The following MCMDC2 variants were observed in gnomAD, a reference collection of about 807,000 sequenced individuals.
MCMDC2 encodes minichromosome maintenance domain-containing protein 2.
Under a neutral mutation model 75.8 loss-of-function variants are expected in MCMDC2, and 54 were observed. That is an observed-to-expected ratio of 0.71 (90% CI 0.57 to 0.89). MCMDC2 has a LOEUF of 0.89. MCMDC2 is among the 40% of genes least tolerant of loss of function. MCMDC2 has a pLI of 0.00. For synonymous variants in MCMDC2, 249 were observed against 274.6 expected, an observed-to-expected ratio of 0.91 and a Z score of 0.92; for missense variants, 656 against 780.4, an observed-to-expected ratio of 0.84 and a Z score of 1.90.
chr8:66,877,531 C>T lies in MCMDC2; in HGVS notation c.468C>T (p.Cys156=). The T allele has an allele frequency of 6.3e-7, 1 of 1,596,310 alleles. No individual in the cohort carries two copies. Among genetic ancestry groups the T allele is most frequent in the South Asian group, 1.1e-5 (1 of 87,394 alleles). ...GATTTCTTTGTTCAGATGAAGCATG[C>T]CCTCTTTCAAAAGGTAAATGTTAAA... The part of the protein sequence containing the change: ...GARFLCSDEA[C]PLSKGFQYIR... Residue 156 remains cysteine (C), a synonymous_variant, in exon 5 of 15, where the codon TGC becomes TGT. Transcript: ENST00000422365.
downstream of MCMDC2, among the ~76,000 whole-genome samples, chr8:66,925,220 A>G (rs1813683816): frequency 6.6e-6 from 1 of 152,214 alleles, no homozygotes; most frequent in Non-Finnish European, 1.5e-5. Flanking sequence ...AGGTCAGCTA[A>G]GCCTTCCAGG....
intron 10 of MCMDC2, among the ~76,000 whole-genome samples, chr8:66,891,804 C>T (rs1812120016): frequency 6.6e-6 from 1 of 152,214 alleles, no homozygotes; most frequent in Non-Finnish European, 1.5e-5. Flanking sequence ...GGCCACTGCA[C>T]ATAGCCAGGC....
intron 14 of MCMDC2, among the ~76,000 whole-genome samples, chr8:66,918,384 T>G (rs1563393807): frequency 6.6e-6 from 1 of 152,200 alleles, no homozygotes; most frequent in African/African-American, 2.4e-5. Context: ...TTTATGTGTA[T>G]TTTCTTTTGG....
rs1813423801 is a variant in MCMDC2 at position 66,919,032 on chromosome 8, G to A, written c.1909G>A (p.Ala637Thr). 1.3e-6 allele frequency: 2 copies of A among 1,535,704 alleles called. No individual in the cohort carries two copies. The highest frequency in any genetic ancestry group is 2.5e-5 in the South Asian group (2 of 81,088). Reference sequence around the variant, plus strand: ...CACTGTATTTTGTGTTGCTCCGAATGCAGTATTTCCATTTGAACTGTATAA... The same window carrying A: ...CACTGTATTTTGTGTTGCTCCGAATACAGTATTTCCATTTGAACTGTATAA... The part of the protein sequence containing the change: ...GATVFCVAPN[A>T]VFPFELYNEE... The change falls in exon 15 of 15, where the codon GCA becomes ACA. Residue 637 changes from alanine (A) to threonine (T), a missense_variant. Ala to Thr is a moderately conservative substitution (Grantham distance 58). Coordinates refer to ENST00000422365, the MANE Select transcript of MCMDC2 (RefSeq NM_173518.5).
At chr8:66,879,318 C>T (rs767607668) in intron 7 of MCMDC2, among the ~76,000 whole-genome samples, 2 of 151,768 alleles carry the variant, frequency 1.3e-5, no homozygotes, top group African/African-American at 2.4e-5. Flanking sequence ...GCTGGCCAGG[C>T]GCGGTGGCTC....
chr8:66,922,123 C>T (rs1813563417), downstream of MCMDC2: 1 of 153,594 alleles, frequency 6.5e-6, no homozygotes, highest in Non-Finnish European at 1.5e-5. Flanking sequence ...ACCTCCAAAA[C>T]AAAGTCAGAA....
At chr8:66,899,679 G>C (rs555869377) in intron 12 of MCMDC2, among the ~76,000 whole-genome samples, 1 of 151,692 alleles carries the variant, frequency 6.6e-6, no homozygotes, top group Non-Finnish European at 1.5e-5. Context: ...TGTATTTTTA[G>C]TAGAGACAGG....
At chr8:66,888,064 T>A (rs1436185419) in intron 9 of MCMDC2, among the ~76,000 whole-genome samples, 4 of 152,222 alleles carry the variant, frequency 2.6e-5, no homozygotes, top group African/African-American at 7.2e-5. Flanking sequence ...TTTGCATTTT[T>A]AAATAAATTT....
intron 7 of MCMDC2, among the ~76,000 whole-genome samples, chr8:66,879,447 G>T (rs1184751804): frequency 1.3e-5 from 2 of 152,080 alleles, no homozygotes; most frequent in African/African-American, 4.8e-5. Flanking sequence ...ACAAAAATTA[G>T]CCAGGTGTGG....
intron 1 of MCMDC2, among the ~76,000 whole-genome samples, chr8:66,872,301 C>T (rs1216831363): frequency 6.6e-6 from 1 of 152,184 alleles, no homozygotes; most frequent in Non-Finnish European, 1.5e-5. Flanking sequence ...TCTTTCTCTT[C>T]ACCTCTCCTC....
At chr8:66,911,438 C>T (rs1368679109) in intron 14 of MCMDC2, among the ~76,000 whole-genome samples, 1 of 152,148 alleles carries the variant, frequency 6.6e-6, no homozygotes, top group Non-Finnish European at 1.5e-5. Flanking sequence ...AAACCTCTTT[C>T]CTTTATAAAT....
chr8:66,890,612 C>T (rs558382285), intron 9 of MCMDC2, among the ~76,000 whole-genome samples: 108 of 152,090 alleles, frequency 7.1e-4, no homozygotes, highest in Non-Finnish European at 7.8e-4. Context: ...CCTCTGCCTT[C>T]CAGGTTCAAA....
chr8:66,873,413 A>G (rs191661381), intron 1 of MCMDC2, among the ~76,000 whole-genome samples: 18 of 152,310 alleles, frequency 1.2e-4, no homozygotes, highest in Admixed American at 1.2e-3. Context: ...TGTTACTTAG[A>G]TTGAATTTAT....
rs767569175 is a variant in MCMDC2 at position 66,896,905 on chromosome 8, T to A, written c.1572T>A (p.Pro524=). 2 of 1,612,856 alleles carry A rather than the reference T, an allele frequency of 1.2e-6. No individual in the cohort carries two copies. The highest frequency in any genetic ancestry group is 2.2e-5 in the South Asian group (2 of 90,848). The part of the protein sequence containing the change: ...VQHTLNKAIN[P]EGLFYAASRQ... ...ACACTTTGAACAAAGCCATTAATCC[T>A]GAAGGGCTGTTTTATGCGGCTTCTA... Residue 524 remains proline, a synonymous_variant, in exon 12 of 15, where the codon CCT becomes CCA. Coordinates refer to ENST00000422365, the MANE Select transcript of MCMDC2 (RefSeq NM_173518.5).
At chr8:66,924,865 C>G (rs1813672401), downstream of MCMDC2, among the ~76,000 whole-genome samples, 1 of 152,312 alleles carries the variant, frequency 6.6e-6, no homozygotes, top group South Asian at 2.1e-4. Context: ...GGAACAAATA[C>G]TGACTAGCTC....
chr8:66,876,406 T>G (rs1160583874), intron 4 of MCMDC2, among the ~76,000 whole-genome samples: 4 of 152,206 alleles, frequency 2.6e-5, no homozygotes, highest in Non-Finnish European at 5.9e-5. Context: ...AGGGTTTCCA[T>G]TTTTAAATAT....
chr8:66,902,692 C>CAAAA lies in MCMDC2; in HGVS notation c.1769+1361_1769+1364dup, dbSNP rs530805303. 5.5e-3 allele frequency among the ~76,000 whole-genome samples: 312 copies of CAAAA among 57,188 alleles called. 6 individuals carry two copies. The highest frequency in any genetic ancestry group is 0.02 in the African/African-American group (238 of 11,942). 37.5% of individuals were successfully genotyped at this position (57,188 alleles called of 152,430 possible). Reference sequence around the variant, plus strand: ...CTGGCGACAGAGCAAGATTCTGTCTCAAAAAAAAAAAAAAAAAAAATATAT... The same window carrying CAAAA: ...CTGGCGACAGAGCAAGATTCTGTCTCAAAAAAAAAAAAAAAAAAAAAAAATATAT... On this transcript the variant is annotated intron_variant, in intron 13 of 14. Coordinates refer to ENST00000422365, the MANE Select transcript of MCMDC2 (RefSeq NM_173518.5).
chr8:66,896,777 T>C lies in MCMDC2; in HGVS notation c.1447-3T>C. 1.9e-6 allele frequency: 3 copies of C among 1,596,522 alleles called. No homozygotes were observed. Among genetic ancestry groups the C allele is most frequent in the Non-Finnish European group, 2.6e-6 (3 of 1,173,228 alleles). On this transcript the variant is annotated splice_region_variant and splice_polypyrimidine_tract_variant and intron_variant, in intron 11 of 14. Transcript: ENST00000422365. ...TTGCCTGTTACCTTTTGGTTTGATG[T>C]AGGATTGCAGTTTGATTCCAGCTAA...
chr8:66,924,018 T>A (rs540170562), downstream of MCMDC2, among the ~76,000 whole-genome samples: 1 of 151,994 alleles, frequency 6.6e-6, no homozygotes, highest in East Asian at 1.9e-4. Flanking sequence ...ATGTAAACAA[T>A]AGATACCCTA....
Sources: allele counts gnomAD v4.1 joint callset (sites outside exome capture counted in the v4.1 genomes callset), GRCh38; gene constraint gnomAD v4.1.1; transcripts MANE v1.5; gene names NCBI Gene and HGNC (gene_info 2026-07-23, HGNC 2026-07-21).